Variants in CCPG1 observed in about 807,000 individuals in gnomAD.
CCPG1 encodes the protein cell cycle progression 1.
CCPG1 carries 46 observed loss-of-function variants against 81.3 expected under a neutral mutation model. The observed-to-expected ratio is 0.57, with a 90% CI of 0.45 to 0.72. The LOEUF is 0.72. Among genes scored for constraint, CCPG1 ranks in the 30% least tolerant of loss-of-function variants. CCPG1 has a pLI of 0.00. For synonymous variants in CCPG1, 330 were observed against 305.2 expected (o/e 1.08, Z -0.85); for missense variants, 902 against 937.6 (o/e 0.96, Z 0.50).
At chr15:55,398,267 A>T (rs182960778) in intron 1 of CCPG1, 1 of 152,086 alleles carries the variant, frequency 6.6e-6, no homozygotes, top group Non-Finnish European at 1.5e-5. Flanking sequence ...ACATTTTACT[A>T]TGAAAAAGGT....
intron 3 of CCPG1, among the ~76,000 whole-genome samples, chr15:55,384,182 A>C (rs1015683094): frequency 4.6e-5 from 7 of 152,132 alleles, no homozygotes; most frequent in African/African-American, 1.7e-4. Flanking sequence ...GGGAGGCCAA[A>C]GGAGAGGGAG....
chr15:55,372,941 T>C (rs539846581), intron 5 of CCPG1: 36 of 534,716 alleles, frequency 6.7e-5, no homozygotes, highest in South Asian at 4.8e-4. Context: ...AGAAGTCAGA[T>C]GAGCCCTTCC....
At chr15:55,402,013 A>C (rs180826356) in intron 1 of CCPG1, among the ~76,000 whole-genome samples, 2 of 152,226 alleles carry the variant, frequency 1.3e-5, no homozygotes, top group Non-Finnish European at 2.9e-5. Flanking sequence ...TCTGTATTTA[A>C]AGCTGTCTTC....
rs1488424873 is a variant in CCPG1, at chr15:55,372,046, T to G, written c.455-2A>C. ...CGTCACTAGGCTGAGATGAAAATAC[T>G]ATTAAGAAAAAAGTTGACATTTAGC... On this transcript the variant is annotated splice_acceptor_variant, in intron 5 of 8. Coordinates refer to ENST00000442196, the MANE Select transcript of CCPG1 (RefSeq NM_001204450.2). LOFTEE classifies it high-confidence loss of function. 1.2e-6 allele frequency: 2 copies of G among 1,607,664 alleles called. No homozygotes were observed. The highest frequency in any genetic ancestry group is 1.7e-6 in the Non-Finnish European group (2 of 1,176,958).
Position 55,385,673 on chromosome 15 carries a change from G to A in CCPG1, c.102C>T (p.Asp34=). ...AACATTCTGGGGCGGGCTCACAGCT[G>A]TCAGTGGGGGTCACAGAATTCAACA... ...IEMLNSVTPT[D]SCEPAPECSS... The change falls in exon 3 of 9, where the codon GAC becomes GAT. Residue 34 remains aspartate (D), a synonymous_variant. Coordinates refer to ENST00000442196, the MANE Select transcript of CCPG1 (RefSeq NM_001204450.2). 6.2e-7 allele frequency: 1 copy of A among 1,611,458 alleles called. No individual in the cohort carries two copies. Among genetic ancestry groups the A allele is most frequent in the Admixed American group, 1.7e-5 (1 of 59,954 alleles).
At chr15:55,367,086 T>C (rs1321461627) in intron 6 of CCPG1, among the ~76,000 whole-genome samples, 2 of 152,224 alleles carry the variant, frequency 1.3e-5, no homozygotes, top group Admixed American at 1.3e-4. Flanking sequence ...AACTGTTACA[T>C]AGTCTAGCTA....
At chr15:55,406,436 C>CTTTTTTTTTTTTTTTTTTTTTTTT (rs143238270) in intron 1 of CCPG1, among the ~76,000 whole-genome samples, 55 of 126,264 alleles carry the variant, frequency 4.4e-4, no homozygotes, top group East Asian at 7.0e-4. Flanking sequence ...TTCTTTTTCT[C>CTTTTTTTTTTTTTTTTTTTTTTTT]TTTTTTTTTT....
At chr15:55,366,698 G>A (rs1168709729) in intron 6 of CCPG1, among the ~76,000 whole-genome samples, 4 of 152,130 alleles carry the variant, frequency 2.6e-5, no homozygotes, top group Non-Finnish European at 4.4e-5. Flanking sequence ...CTTAAACCCG[G>A]GAGGTGGAGG....
chr15:55,395,936 A>G (rs2057008099), intron 1 of CCPG1, among the ~76,000 whole-genome samples: 2 of 152,092 alleles, frequency 1.3e-5, no homozygotes, highest in African/African-American at 4.8e-5. Context: ...CAGGCAGATC[A>G]GGAGGTCAGG....
intron 3 of CCPG1, among the ~76,000 whole-genome samples, chr15:55,381,119 AG>A (rs1316479433): frequency 4.7e-4 from 72 of 151,692 alleles, no homozygotes; most frequent in Non-Finnish European, 8.1e-4. Context: ...CCTGGGCAAC[AG>A]AGCAAGACAC....
intron 5 of CCPG1, among the ~76,000 whole-genome samples, chr15:55,373,988 C>CA (rs1249383754): frequency 6.6e-6 from 1 of 152,178 alleles, no homozygotes; most frequent in African/African-American, 2.4e-5. Flanking sequence ...TAGATGCAAG[C>CA]AATGCAAAGG....
chr15:55,397,833 C>G (rs1311103635), intron 1 of CCPG1, among the ~76,000 whole-genome samples: 1 of 151,912 alleles, frequency 6.6e-6, no homozygotes, highest in Non-Finnish European at 1.5e-5. Flanking sequence ...AAAAATTGGC[C>G]AGGTGGTCTG....
At position 55,359,604 on chromosome 15, in the gene CCPG1, C is replaced by T. The variant is rs1267825251; in HGVS notation, c.2169G>A (p.Glu723=). ...GTCTATATATATATTCATCCAACTTCTCAAATACTCCATCATTATCTACTT... is the reference window on the plus strand; with the variant it reads ...GTCTATATATATATTCATCCAACTTTTCAAATACTCCATCATTATCTACTT... The part of the protein sequence containing the change: ...EYEVDNDGVF[E]KLDEYIYRHF... Residue 723 remains glutamate (E), a synonymous_variant, in exon 8 of 9, where the codon GAG becomes GAA. Coordinates refer to ENST00000442196, the MANE Select transcript of CCPG1 (RefSeq NM_001204450.2). 6.2e-7 allele frequency: 1 copy of T among 1,613,182 alleles called. No homozygotes were observed.
chr15:55,394,163 C>A (rs2056974580), intron 1 of CCPG1, among the ~76,000 whole-genome samples: 1 of 152,070 alleles, frequency 6.6e-6, no homozygotes, highest in Non-Finnish European at 1.5e-5. Context: ...CAGCTAATTT[C>A]TTTTTAAGAG....
At chr15:55,359,007 G>GC in intron 8 of CCPG1, 1 of 977,232 alleles carries the variant, frequency 1.0e-6, no homozygotes, top group Non-Finnish European at 1.2e-6. Context: ...TGCTTAGTTT[G>GC]CCTCTTTGTG....
chr15:55,372,125 G>A, intron 5 of CCPG1, 81 bp from the exon 6 acceptor site: 1 of 1,346,336 alleles, frequency 7.4e-7, no homozygotes, highest in Non-Finnish European at 1.0e-6. Flanking sequence ...AATAATCAAT[G>A]CCATCCCTTA....
chr15:55,391,887 A>AT (rs1555409781), intron 1 of CCPG1, among the ~76,000 whole-genome samples: 1 of 44,740 alleles, frequency 2.2e-5, no homozygotes, highest in African/African-American at 7.1e-5. Context: ...AAAAAAAAAA[A>AT]GGGGGGGGGG....
At chr15:55,389,544 C>G in intron 1 of CCPG1, 111 bp from the exon 2 acceptor site, 1 of 722,482 alleles carries the variant, frequency 1.4e-6, no homozygotes, top group Non-Finnish European at 2.5e-6. Context: ...CCAGGTGAAA[C>G]AGAGACAAGC....
rs560399550 is a variant in CCPG1, at chr15:55,375,051, A to T, written c.454+1898T>A. 7.2e-5 allele frequency among the ~76,000 whole-genome samples: 11 copies of T among 152,348 alleles called. No homozygotes were observed. In the East Asian group the frequency reaches 2.1e-3, roughly 29 times the overall value. ...CGTCTTTAAACATTTGGTTTATTGA[A>T]ACAATATCTTTAGGAGGAATAACAA... On this transcript the variant is annotated intron_variant, in intron 5 of 8. Transcript: ENST00000442196.
Sources: gnomAD v4.1 joint callset for allele counts (sites outside exome capture counted in the v4.1 genomes callset) on GRCh38, gnomAD v4.1.1 for gene constraint, MANE v1.5 for transcripts, NCBI Gene and HGNC (gene_info 2026-07-23, HGNC 2026-07-21) for gene names.